CTNNA3: variants seen among roughly 807,000 people sequenced by gnomAD.
CTNNA3 encodes the protein catenin alpha 3.
In CTNNA3, 76 loss-of-function variants were observed where a neutral mutation model predicts 95.7. The observed-to-expected ratio is 0.79, with a 90% confidence interval of 0.66 to 0.96. CTNNA3 has a LOEUF of 0.96. CTNNA3 is among the 40% of genes least tolerant of loss of function. CTNNA3 has a pLI of 0.00. For synonymous variants in CTNNA3, 431 were observed against 374.4 expected, an observed-to-expected ratio of 1.15 and a Z score of -1.74; for missense variants, 1,191 against 1,089.8, an observed-to-expected ratio of 1.09 and a Z score of -1.31.
At chr10:66,438,447 C>T (rs918627222) in intron 11 of CTNNA3, among the ~76,000 whole-genome samples, 2 of 152,182 alleles carry the variant, frequency 1.3e-5, no homozygotes, top group Non-Finnish European at 2.9e-5. Flanking sequence ...CTTTGCTGCA[C>T]TTTGGTGGGC....
chr10:66,613,556 G>A (rs926386730), intron 10 of CTNNA3, among the ~76,000 whole-genome samples: 5 of 151,852 alleles, frequency 3.3e-5, no homozygotes, highest in Non-Finnish European at 7.4e-5. Flanking sequence ...CTGCACCCAC[G>A]CACTCTCTCC....
At chr10:66,056,697 C>T (rs936536953) in intron 15 of CTNNA3, among the ~76,000 whole-genome samples, 2 of 152,112 alleles carry the variant, frequency 1.3e-5, no homozygotes, top group Non-Finnish European at 2.9e-5. Flanking sequence ...GTTAATATCT[C>T]AATACTTGTT....
At chr10:66,418,065 G>C (rs1224470204) in intron 11 of CTNNA3, among the ~76,000 whole-genome samples, 7 of 147,724 alleles carry the variant, frequency 4.7e-5, no homozygotes, top group Non-Finnish European at 9.0e-5. Context: ...AAGCATGAAT[G>C]AAATGTAACA....
chr10:66,737,633 T>C (rs2132685966), intron 9 of CTNNA3, among the ~76,000 whole-genome samples: 1 of 152,190 alleles, frequency 6.6e-6, no homozygotes, highest in South Asian at 2.1e-4. Context: ...TTTATTATGG[T>C]GCAAACTTTG....
intron 6 of CTNNA3, among the ~76,000 whole-genome samples, chr10:67,209,241 GTTTCAC>G (rs1864035820): frequency 6.6e-6 from 1 of 152,108 alleles, no homozygotes; most frequent in Admixed American, 6.6e-5. Flanking sequence ...TAGAGACGGG[GTTTCAC>G]TATGTTGGCC....
chr10:67,620,923 G>GTATATATATATATATATA (rs56300519), intron 2 of CTNNA3, among the ~76,000 whole-genome samples: 83 of 123,820 alleles, frequency 6.7e-4, no homozygotes, highest in Non-Finnish European at 9.2e-4. Context: ...GTGTGTGTGT[G>GTATATATATATATATATA]TATATATATA....
At position 66,566,705 on chromosome 10, in the gene CTNNA3, T is replaced by C. The variant is rs570489101; in HGVS notation, c.1375-45932A>G. Among the ~76,000 whole-genome samples, 12 of 152,162 alleles carry C rather than the reference T, an allele frequency of 7.9e-5. No individual in the cohort carries two copies. The East Asian group carries it at 1.8e-3, about 22-fold the overall frequency. ...GAGGCAACCCCTGCTACTAGGTTCC[T>C]GTGACTCCTGAGTAGGAGTCTGGCT... On this transcript the variant is annotated intron_variant, in intron 10 of 17. Transcript: ENST00000433211.
intron 15 of CTNNA3, among the ~76,000 whole-genome samples, chr10:66,001,924 T>C (rs898925631): frequency 1.3e-5 from 2 of 152,114 alleles, no homozygotes; most frequent in African/African-American, 4.8e-5. Context: ...GAATATAAAA[T>C]ATATACACAC....
chr10:67,016,390 T>G lies in CTNNA3; in HGVS notation c.1047+163927A>C, dbSNP rs564406974. Among the ~76,000 whole-genome samples the G allele has an allele frequency of 7.2e-5, 11 of 152,316 alleles. No individual in the cohort carries two copies. The East Asian group carries it at 1.5e-3, about 21-fold the overall frequency. On this transcript the variant is annotated intron_variant, in intron 7 of 17. Transcript: ENST00000433211. Reference sequence around the variant, plus strand: ...CTCGTTTCTTTTTGTTTGTTTGTTTTATTTAAGGAGTTTGCATGGATCACA... The same window carrying G: ...CTCGTTTCTTTTTGTTTGTTTGTTTGATTTAAGGAGTTTGCATGGATCACA...
intron 7 of CTNNA3, among the ~76,000 whole-genome samples, chr10:66,867,466 C>T (rs1037873921): frequency 6.6e-6 from 1 of 152,120 alleles, no homozygotes; most frequent in Non-Finnish European, 1.5e-5. Context: ...CCAGGACATT[C>T]CAGGGGGAGA....
At chr10:67,046,603 C>G (rs1053621724) in intron 7 of CTNNA3, among the ~76,000 whole-genome samples, 1 of 151,944 alleles carries the variant, frequency 6.6e-6, no homozygotes, top group African/African-American at 2.4e-5. Context: ...ATGATCTTCA[C>G]CACCGTAATA....
chr10:66,856,883 T>G (rs529314270), intron 7 of CTNNA3, among the ~76,000 whole-genome samples: 1 of 152,126 alleles, frequency 6.6e-6, no homozygotes, highest in Non-Finnish European at 1.5e-5. Flanking sequence ...TAGTTTCTTT[T>G]GCTGTGCAGA....
chr10:66,823,751 A>T (rs1440994548), intron 7 of CTNNA3, among the ~76,000 whole-genome samples: 1 of 152,180 alleles, frequency 6.6e-6, no homozygotes, highest in Non-Finnish European at 1.5e-5. Context: ...TCTCAAATTG[A>T]ATTTAGGAAG....
intron 1 of CTNNA3, among the ~76,000 whole-genome samples, chr10:67,751,810 T>G (rs1238436116): frequency 7.1e-6 from 1 of 140,984 alleles, no homozygotes; most frequent in Non-Finnish European, 1.5e-5. Flanking sequence ...GTTCTGAAAT[T>G]GGGGCAGTAA....
At chr10:67,483,046 G>T (rs1337777965) in intron 5 of CTNNA3, among the ~76,000 whole-genome samples, 2 of 152,056 alleles carry the variant, frequency 1.3e-5, no homozygotes, top group African/African-American at 4.8e-5. Flanking sequence ...TCAGAGAAAT[G>T]CAAATCAAAA....
intron 9 of CTNNA3, among the ~76,000 whole-genome samples, chr10:66,658,566 C>T (rs948065385): frequency 2.6e-5 from 4 of 152,238 alleles, no homozygotes; most frequent in Non-Finnish European, 4.4e-5. Context: ...ATGAGTGAGG[C>T]TACCGTTAAG....
intron 13 of CTNNA3, among the ~76,000 whole-genome samples, chr10:66,232,561 T>TA (rs1358334722): frequency 6.6e-6 from 1 of 152,124 alleles, no homozygotes; most frequent in African/African-American, 2.4e-5. Flanking sequence ...TGTGCAAATT[T>TA]AAAAAATAAT....
intron 15 of CTNNA3, among the ~76,000 whole-genome samples, chr10:66,033,028 C>T (rs1050595666): frequency 1.1e-4 from 17 of 151,814 alleles, no homozygotes; most frequent in African/African-American, 4.8e-5. Context: ...TGCTTGGGCT[C>T]GACATGTTCA....
chr10:66,178,951 T>G (rs1038111247), intron 13 of CTNNA3, among the ~76,000 whole-genome samples: 1 of 151,878 alleles, frequency 6.6e-6, no homozygotes, highest in African/African-American at 2.4e-5. Context: ...ACATGGCTAA[T>G]TGGAATGTAA....
Sources: gnomAD v4.1 joint callset for allele counts (sites outside exome capture counted in the v4.1 genomes callset) on GRCh38, gnomAD v4.1.1 for gene constraint, MANE v1.5 for transcripts, NCBI Gene and HGNC (gene_info 2026-07-23, HGNC 2026-07-21) for gene names.